GRID2: variants seen among roughly 807,000 people sequenced by gnomAD.
GRID2 encodes the protein glutamate ionotropic receptor delta type subunit 2.
In GRID2, 33 loss-of-function variants were observed where a neutral mutation model predicts 114.8. The ratio of observed to expected loss-of-function variants is 0.29; its 90% CI spans 0.22 to 0.38. GRID2 has a LOEUF of 0.38. GRID2 is among the 10% of genes least tolerant of loss of function. The pLI, the probability that GRID2 is intolerant of heterozygous loss-of-function variation, is 1.00. For synonymous variants in GRID2, 505 were observed against 449.9 expected, an observed-to-expected ratio of 1.12 and a Z score of -1.55; for missense variants, 1,184 against 1,257.7, an observed-to-expected ratio of 0.94 and a Z score of 0.89.
intron 1 of GRID2, among the ~76,000 whole-genome samples, chr4:92,399,454 G>A (rs1730672800): frequency 6.6e-6 from 1 of 152,068 alleles, no homozygotes; most frequent in African/African-American, 2.4e-5. Context: ...AAGTCATATC[G>A]AAAGATGATA....
At chr4:93,004,840 T>A (rs2149221406) in intron 2 of GRID2, among the ~76,000 whole-genome samples, 1 of 152,214 alleles carries the variant, frequency 6.6e-6, no homozygotes, top group East Asian at 1.9e-4. Context: ...TTATATTATA[T>A]TAGAATTTGG....
intron 2 of GRID2, among the ~76,000 whole-genome samples, chr4:92,809,091 T>C (rs1740549814): frequency 6.6e-6 from 1 of 152,008 alleles, no homozygotes; most frequent in African/African-American, 2.4e-5. Flanking sequence ...AATATTAATA[T>C]AATATCTTGC....
At chr4:93,213,560 G>C (rs895960432) in intron 5 of GRID2, among the ~76,000 whole-genome samples, 1 of 152,102 alleles carries the variant, frequency 6.6e-6, no homozygotes, top group Non-Finnish European at 1.5e-5. Flanking sequence ...ATATTTGTTA[G>C]ATGCTAAGAG....
chr4:93,112,894 A>G (rs1459663280), intron 4 of GRID2, among the ~76,000 whole-genome samples: 2 of 152,174 alleles, frequency 1.3e-5, no homozygotes, highest in Non-Finnish European at 2.9e-5. Context: ...CTATAAGGAC[A>G]TCAGTCGTTT....
At chr4:93,193,335 C>T (rs1741174668) in intron 4 of GRID2, among the ~76,000 whole-genome samples, 1 of 152,060 alleles carries the variant, frequency 6.6e-6, no homozygotes, top group African/African-American at 2.4e-5. Flanking sequence ...TTGTAGTTCC[C>T]ATAATCCCCA....
intron 8 of GRID2, among the ~76,000 whole-genome samples, chr4:93,284,279 G>A (rs1171929903): frequency 6.6e-6 from 1 of 151,878 alleles, no homozygotes; most frequent in Non-Finnish European, 1.5e-5. Flanking sequence ...AATATTAGAA[G>A]AGCTAGATCC....
At chr4:93,275,575 T>C (rs1030752351) in intron 8 of GRID2, among the ~76,000 whole-genome samples, 1 of 151,858 alleles carries the variant, frequency 6.6e-6, no homozygotes, top group African/African-American at 2.4e-5. Context: ...AGGGTTCAAT[T>C]TCTCCACATC....
At chr4:92,718,868 G>T (rs934481478) in intron 2 of GRID2, among the ~76,000 whole-genome samples, 7 of 149,208 alleles carry the variant, frequency 4.7e-5, no homozygotes, top group South Asian at 2.1e-4. Context: ...TGAACTTAAA[G>T]AATTTTTATT....
intron 4 of GRID2, among the ~76,000 whole-genome samples, chr4:93,114,015 T>TA (rs1396385509): frequency 6.6e-6 from 1 of 152,136 alleles, no homozygotes; most frequent in African/African-American, 2.4e-5. Flanking sequence ...TTAAAATTTT[T>TA]AAAAATCCCA....
At chr4:93,036,072 A>G (rs922958129) in intron 2 of GRID2, among the ~76,000 whole-genome samples, 1 of 151,932 alleles carries the variant, frequency 6.6e-6, no homozygotes, top group African/African-American at 2.4e-5. Context: ...GTTGCTGGAG[A>G]CGTCTCACCT....
At position 92,578,909 on chromosome 4, in the gene GRID2, T is replaced by C. The variant is rs1057001380; in HGVS notation, c.89-11222T>C. ...ATGCACATCGAGGTCACTGTAAATT[T>C]TCATCTATTTACCAAAAAACCAGAA... On this transcript the variant is annotated intron_variant, in intron 1 of 15. Coordinates refer to ENST00000282020, the MANE Select transcript of GRID2 (RefSeq NM_001510.4). Among the ~76,000 whole-genome samples the C allele has an allele frequency of 4.6e-5, 7 of 152,192 alleles. No individual in the cohort carries two copies. In the East Asian group the frequency reaches 1.3e-3, roughly 29 times the overall value.
intron 4 of GRID2, among the ~76,000 whole-genome samples, chr4:93,135,707 C>G (rs1056020532): frequency 6.6e-6 from 1 of 152,006 alleles, no homozygotes; most frequent in Non-Finnish European, 1.5e-5. Flanking sequence ...TAAACTAAGC[C>G]CTAGTCCTAT....
At chr4:92,377,868 C>T (rs1729429036) in intron 1 of GRID2, among the ~76,000 whole-genome samples, 1 of 152,066 alleles carries the variant, frequency 6.6e-6, no homozygotes, top group African/African-American at 2.4e-5. Flanking sequence ...TTGCTTCCCA[C>T]CAGGTCCCTT....
chr4:93,164,631 G>T, intron 4 of GRID2: 1 of 315,036 alleles, frequency 3.2e-6, no homozygotes, highest in Non-Finnish European at 6.9e-6. Context: ...TCAAACGAAT[G>T]GTAGGGGAAA....
At chr4:93,596,216 A>G (rs1688814075) in intron 13 of GRID2, among the ~76,000 whole-genome samples, 1 of 152,264 alleles carries the variant, frequency 6.6e-6, no homozygotes, top group Non-Finnish European at 1.5e-5. Context: ...TGTTTAATGT[A>G]CAATAAATTC....
chr4:92,345,165 C>G (rs1034831266), intron 1 of GRID2, among the ~76,000 whole-genome samples: 1 of 152,222 alleles, frequency 6.6e-6, no homozygotes, highest in African/African-American at 2.4e-5. Context: ...AGCTACTTCA[C>G]TTAGAATAAT....
intron 2 of GRID2, among the ~76,000 whole-genome samples, chr4:92,611,540 G>A (rs1729744647): frequency 6.6e-6 from 1 of 151,488 alleles, no homozygotes; most frequent in South Asian, 2.1e-4. Context: ...GAACTTTTGA[G>A]GGGACACAAA....
intron 1 of GRID2, among the ~76,000 whole-genome samples, chr4:92,471,829 TA>T (rs1722050534): frequency 6.6e-6 from 1 of 152,088 alleles, no homozygotes; most frequent in Non-Finnish European, 1.5e-5. Context: ...GTTTGCATTT[TA>T]TACAGGCTTA....
chr4:93,698,690 A>G (rs1727253649), intron 14 of GRID2, among the ~76,000 whole-genome samples: 1 of 152,058 alleles, frequency 6.6e-6, no homozygotes, highest in South Asian at 2.1e-4. Flanking sequence ...AGTTTTGAAT[A>G]TTTTATTTTT....
Sources: allele counts gnomAD v4.1 joint callset (sites outside exome capture counted in the v4.1 genomes callset), GRCh38; gene constraint gnomAD v4.1.1; transcripts MANE v1.5; gene names NCBI Gene and HGNC (gene_info 2026-07-23, HGNC 2026-07-21).